The following RGS3 variants were observed in gnomAD, a reference collection of about 807,000 sequenced individuals.
RGS3 encodes regulator of G protein signaling 3, also known as regulator of G-protein signalling 3.
In RGS3, 80 loss-of-function variants were observed where a neutral mutation model predicts 132.6. The observed-to-expected ratio is 0.60, with a 90% CI of 0.50 to 0.73. The LOEUF (loss-of-function observed/expected upper bound fraction) is 0.73. RGS3 is among the 30% of genes least tolerant of loss of function. RGS3 has a pLI of 0.00. For missense variants in RGS3, 1,382 were observed against 1,530.8 expected, an observed-to-expected ratio of 0.90 and a Z score of 1.62; for synonymous variants, 598 against 620.6, an observed-to-expected ratio of 0.96 and a Z score of 0.54.
chr9:113,559,464 C>T (rs1564568976), intron 19 of RGS3, among the ~76,000 whole-genome samples: 1 of 152,228 alleles, frequency 6.6e-6, no homozygotes, highest in African/African-American at 2.4e-5. Context: ...GGCCTCTGGG[C>T]TAGCTCTGTA....
chr9:113,558,545 A>G (rs902799041), intron 19 of RGS3, among the ~76,000 whole-genome samples: 2 of 152,090 alleles, frequency 1.3e-5, no homozygotes, highest in African/African-American at 4.8e-5. Flanking sequence ...AGATGGTGCC[A>G]TTCTCTGAGC....
At chr9:113,580,413 T>TA (rs1473135582) in intron 19 of RGS3, among the ~76,000 whole-genome samples, 1 of 152,226 alleles carries the variant, frequency 6.6e-6, no homozygotes, top group Non-Finnish European at 1.5e-5. Context: ...AGACCACTGA[T>TA]AGCTCCCATT....
At chr9:113,522,941 T>G (rs1832029373) in exon 17 of RGS3, 1 of 1,612,688 alleles carries the variant, frequency 6.2e-7, no homozygotes, top group Non-Finnish European at 8.5e-7. Flanking sequence ...TGACACTGTT[T>G]GCCTATTCGG....
At chr9:113,503,047 G>A (rs1830967840) in intron 10 of RGS3, among the ~76,000 whole-genome samples, 1 of 152,212 alleles carries the variant, frequency 6.6e-6, no homozygotes, top group Admixed American at 6.5e-5. Context: ...GTCTAGGCAG[G>A]ACAGAGGAAC....
intron 19 of RGS3, among the ~76,000 whole-genome samples, chr9:113,555,127 G>A (rs1292756981): frequency 1.3e-5 from 2 of 152,034 alleles, no homozygotes; most frequent in Non-Finnish European, 2.9e-5. Context: ...TGGTTTCTAA[G>A]CTCTCTCATC....
Position 113,537,055 on chromosome 9 carries a change from G to T in RGS3, c.2037+137G>T. On this transcript the variant is annotated intron_variant, in intron 19 of 24. Coordinates refer to ENST00000350696, the Ensembl canonical transcript of RGS3. This position sits in a 1 kb window ranked among gnomAD's most constrained non-coding sequence, Gnocchi z 4.3. The stretch of plus-strand genomic sequence containing the variant: ...CTGGGCAATGAGCTCTTGGCAAGCG[G>T]GGACCTGTGCCCGAATGTCTCTCCC... 1.3e-6 allele frequency: 1 copy of T among 754,952 alleles called. No homozygotes were observed. Among genetic ancestry groups the T allele is most frequent in the East Asian group, 2.7e-5 (1 of 36,622 alleles). The allele number at this position is 754,952 out of a possible 1,614,324, so 46.8% of individuals were successfully genotyped here. A position where few individuals can be genotyped will look rare whatever the true frequency, so the allele number is the denominator to read the frequency against.
intron 19 of RGS3, chr9:113,580,622 C>G: frequency 5.1e-6 from 1 of 195,126 alleles, no homozygotes; most frequent in Non-Finnish European, 9.3e-6. Flanking sequence ...GAGCACATAA[C>G]CACTGGGCCC....
chr9:113,507,676 GGTCCCT>G lies in RGS3; in HGVS notation c.1437+41_1437+46del. ...GGTGTGGGGAAGGTGAAGGGTACTG[GGTCCCT>G]GTGGGAGGCCAGGAAGACTTGAAGA... On this transcript the variant is annotated intron_variant, in intron 13 of 24. Transcript: ENST00000350696. This position sits in a 1 kb window ranked among gnomAD's most constrained non-coding sequence, Gnocchi z 5.0. 7.1e-7 allele frequency: 1 copy of G among 1,415,492 alleles called. No homozygotes were observed. The highest frequency in any genetic ancestry group is 9.3e-7 in the Non-Finnish European group (1 of 1,074,228). 87.7% of individuals were successfully genotyped at this position (1,415,492 alleles called of 1,614,324 possible). A position where few individuals can be genotyped will look rare whatever the true frequency, so the allele number is the denominator to read the frequency against.
At chr9:113,500,800 G>T (rs991596452) in intron 10 of RGS3, among the ~76,000 whole-genome samples, 5 of 150,288 alleles carry the variant, frequency 3.3e-5, no homozygotes, top group Non-Finnish European at 7.4e-5. Context: ...TGATTCTCCT[G>T]CCTTAGCCTC....
intron 10 of RGS3, among the ~76,000 whole-genome samples, chr9:113,504,601 G>T (rs545469316): frequency 6.6e-6 from 1 of 152,324 alleles, no homozygotes; most frequent in East Asian, 1.9e-4. Context: ...AGAGGTTTGT[G>T]TACCCTCGTG....
chr9:113,569,968 G>A (rs920328522), intron 19 of RGS3, among the ~76,000 whole-genome samples: 10 of 152,212 alleles, frequency 6.6e-5, no homozygotes, highest in Non-Finnish European at 1.0e-4. Flanking sequence ...CATGTTTCCC[G>A]CCTATCCATG....
chr9:113,463,629 C>T lies in RGS3; in HGVS notation c.415+1428C>T. The T allele has an allele frequency of 1.6e-6, 2 of 1,235,988 alleles. No homozygotes were observed. Among genetic ancestry groups the T allele is most frequent in the South Asian group, 3.6e-5 (2 of 56,146 alleles). 76.6% of individuals were successfully genotyped at this position (1,235,988 alleles called of 1,614,324 possible). On this transcript the variant is annotated intron_variant, in intron 3 of 24. Transcript: ENST00000350696. This position sits in a 1 kb window ranked among gnomAD's most constrained non-coding sequence, Gnocchi z 4.6. ...GCTCTGCTCCGGCAGGTGGAACTCTCCCCATTCAAACCCGCGCGGGCCAAT... is the reference window on the plus strand; with the variant it reads ...GCTCTGCTCCGGCAGGTGGAACTCTTCCCATTCAAACCCGCGCGGGCCAAT...
At chr9:113,496,259 C>T (rs1830680307) in intron 8 of RGS3, among the ~76,000 whole-genome samples, 2 of 152,180 alleles carry the variant, frequency 1.3e-5, no homozygotes, top group South Asian at 2.1e-4. Context: ...CTAACAGGTG[C>T]TCAAGGATGG....
chr9:113,559,812 C>A (rs1196101453), intron 19 of RGS3, among the ~76,000 whole-genome samples: 2 of 152,222 alleles, frequency 1.3e-5, no homozygotes, highest in African/African-American at 4.8e-5. Flanking sequence ...AGGCCCTCAT[C>A]TGTTAGCCCC....
At chr9:113,596,168 C>G (rs1222281172) in intron 24 of RGS3, among the ~76,000 whole-genome samples, 3 of 152,226 alleles carry the variant, frequency 2.0e-5, no homozygotes, top group African/African-American at 7.2e-5. Context: ...AACCCCATCT[C>G]TACTAAAATT....
intron 7 of RGS3, among the ~76,000 whole-genome samples, chr9:113,494,094 A>G (rs904225072): frequency 6.6e-6 from 1 of 152,168 alleles, no homozygotes; most frequent in African/African-American, 2.4e-5. Flanking sequence ...AATTAGTCCA[A>G]GTTGAGGATG....
intron 15 of RGS3, among the ~76,000 whole-genome samples, chr9:113,515,034 C>T (rs1434223440): frequency 1.3e-5 from 2 of 152,126 alleles, no homozygotes; most frequent in Non-Finnish European, 2.9e-5. Context: ...CTGAGGGAGA[C>T]CCTTGGGGTC....
chr9:113,514,335 C>A, intron 14 of RGS3, 123 bp from the exon 13 acceptor site: 1 of 881,740 alleles, frequency 1.1e-6, no homozygotes, highest in South Asian at 1.7e-5. Flanking sequence ...CAGGGCCTGG[C>A]ACAAAGTAGC....
intron 22 of RGS3, 116 bp from the exon 21 acceptor site, chr9:113,594,803 C>G: frequency 2.0e-6 from 2 of 1,021,268 alleles, no homozygotes; most frequent in Non-Finnish European, 3.0e-6. Flanking sequence ...GGCGCCCCAG[C>G]TGGGCTCAGC....
Sources: allele counts gnomAD v4.1 joint callset (sites outside exome capture counted in the v4.1 genomes callset), GRCh38; gene constraint gnomAD v4.1.1; non-coding constraint Gnocchi (gnomAD v3.1); transcripts MANE v1.5; gene names NCBI Gene and HGNC (gene_info 2026-07-23, HGNC 2026-07-21).